Variants in PCLO observed in about 807,000 individuals in gnomAD.
PCLO encodes the protein protein piccolo.
Under a neutral mutation model 427.5 loss-of-function variants are expected in PCLO, and 82 were observed. The ratio of observed to expected loss-of-function variants is 0.19; its 90% CI spans 0.16 to 0.23. The LOEUF (loss-of-function observed/expected upper bound fraction) is 0.23, where lower values mean the gene tolerates loss of function less well. Among genes scored for constraint, PCLO ranks in the 10% least tolerant of loss-of-function variants. PCLO has a pLI of 1.00. For missense variants in PCLO, 6,239 were observed against 6,115.9 expected, an observed-to-expected ratio of 1.02 and a Z score of -0.67; for synonymous variants, 2,357 against 2,155.4, an observed-to-expected ratio of 1.09 and a Z score of -2.59.
At chr7:83,149,727 C>T (rs892822392) in intron 2 of PCLO, among the ~76,000 whole-genome samples, 2 of 152,196 alleles carry the variant, frequency 1.3e-5, no homozygotes, top group Non-Finnish European at 2.9e-5. Context: ...AACAACTTCT[C>T]CCCATTTCTC....
intron 10 of PCLO, among the ~76,000 whole-genome samples, chr7:82,870,139 C>A (rs1170949677): frequency 6.6e-6 from 1 of 151,932 alleles, no homozygotes; most frequent in East Asian, 1.9e-4. Flanking sequence ...ACAAAGCAAT[C>A]TTAAGTGAAA....
At position 82,949,738 on chromosome 7, in the gene PCLO, G is replaced by A; in HGVS notation, c.10850C>T (p.Pro3617Leu). The A allele has an allele frequency of 3.7e-6, 6 of 1,613,796 alleles. No homozygotes were observed. Among genetic ancestry groups the A allele is most frequent in the Non-Finnish European group, 4.2e-6 (5 of 1,179,834 alleles). The change falls in exon 6 of 25, where the codon CCC (proline) becomes CTC (leucine). Residue 3617 changes from proline to leucine, a missense_variant. Pro to Leu is a moderately conservative substitution (Grantham distance 98). Transcript: ENST00000333891. ...TGAGTAAAGGACTTTGGGGGATTTG[G>A]GTGGGGAAGGAGCCAGCTGTACTGT... ...DSTVQLAPSP[P>L]KSPKVLYSPI...
chr7:82,965,613 T>C (rs1795748402), intron 4 of PCLO, among the ~76,000 whole-genome samples, 158 bp downstream of exon 4: 1 of 152,220 alleles, frequency 6.6e-6, no homozygotes, highest in African/African-American at 2.4e-5. Context: ...ACCAAAGTTC[T>C]TCATTATAGT....
chr7:82,969,018 G>T (rs1328041040), intron 3 of PCLO, among the ~76,000 whole-genome samples: 1 of 152,130 alleles, frequency 6.6e-6, no homozygotes, highest in Non-Finnish European at 1.5e-5. Context: ...GTCATTTAAA[G>T]AAGTGAGACT....
intron 3 of PCLO, among the ~76,000 whole-genome samples, chr7:83,004,212 G>C (rs1283897599): frequency 1.3e-5 from 2 of 151,694 alleles, no homozygotes; most frequent in Non-Finnish European, 2.9e-5. Flanking sequence ...AGGCAATCTT[G>C]AGAATCAACA....
rs373497969 is a variant in PCLO, at chr7:82,952,117, T to G, written c.8836A>C (p.Lys2946Gln). The G allele has an allele frequency of 8.1e-6, 13 of 1,613,822 alleles. No homozygotes were observed. The highest frequency in any genetic ancestry group is 1.1e-5 in the Non-Finnish European group (13 of 1,179,862). ...RRAVCCDVVY[K>Q]LPFGRSCTAQ... The stretch of plus-strand genomic sequence containing the variant: ...GTGCAGCTCCTTCCAAATGGTAATT[T>G]ATAAACCACATCACAGCACACAGCT... The change falls in exon 5 of 25, where the codon AAA (lysine) becomes CAA (glutamine). Residue 2946 changes from lysine to glutamine, a missense_variant. By Grantham distance (53) the Lys-to-Gln change is moderately conservative (BLOSUM62 1). Coordinates refer to ENST00000333891, the MANE Select transcript of PCLO (RefSeq NM_033026.6).
At chr7:82,821,568 T>G (rs1791792553) in intron 20 of PCLO, 1 of 974,336 alleles carries the variant, frequency 1.0e-6, no homozygotes, top group East Asian at 1.1e-4. Flanking sequence ...ATTTGTGAAA[T>G]ATTTGCACAT....
At chr7:83,118,726 G>C (rs1398526004) in intron 3 of PCLO, among the ~76,000 whole-genome samples, 1 of 152,140 alleles carries the variant, frequency 6.6e-6, no homozygotes. Context: ...CCCACTACCA[G>C]TGGACTAAAG....
Position 82,954,412 on chromosome 7 carries a change from T to G in PCLO, c.6541A>C (p.Thr2181Pro), listed in dbSNP as rs1795452901. 1.2e-6 allele frequency: 2 copies of G among 1,613,940 alleles called. No homozygotes were observed. Among genetic ancestry groups the G allele is most frequent in the Non-Finnish European group, 1.7e-6 (2 of 1,179,858 alleles). The part of the protein sequence containing the change: ...ESATSVPPSD[T>P]PSLTSSVSSV... ...GAAACAGATGATGTGAGAGAAGGTG[T>G]GTCAGAGGGTGGGACAGATGTAGCA... is the stretch of plus-strand genomic sequence containing the variant. Residue 2181 changes from threonine (T) to proline (P), a missense_variant, in exon 5 of 25, where the codon ACA becomes CCA. Around this residue, in one of 5 missense-constraint regions of PCLO, gnomAD observed 4,677 missense variants for 4,468.4 expected, o/e 1.05. Transcript: ENST00000333891.
chr7:83,006,938 A>G (rs1787959843), intron 3 of PCLO, among the ~76,000 whole-genome samples: 1 of 151,320 alleles, frequency 6.6e-6, no homozygotes, highest in Non-Finnish European at 1.5e-5. Flanking sequence ...CCTTTTCCTT[A>G]CCATTTGCCA....
Position 82,914,764 on chromosome 7 carries a change from C to G in PCLO, c.13222G>C (p.Glu4408Gln). ...CGGTCATAGCCTCGAGTCCGTGATT[C>G]TTCCCTCATGTGTTGCTGAACTTCA... ...LPEVQQHMRE[E>Q]SRTRGYDRDI... Residue 4408 changes from glutamate to glutamine, a missense_variant, in exon 7 of 25, where the codon GAA becomes CAA. This residue lies in a region of PCLO where 877 missense variants were observed against 925.5 expected (regional missense o/e 0.95). Coordinates refer to ENST00000333891, the MANE Select transcript of PCLO (RefSeq NM_033026.6). The G allele has an allele frequency of 5.0e-6, 8 of 1,613,416 alleles. No homozygotes were observed. The highest frequency in any genetic ancestry group is 6.8e-6 in the Non-Finnish European group (8 of 1,179,656).
chr7:83,076,421 C>T (rs1383489719), intron 3 of PCLO, among the ~76,000 whole-genome samples: 1 of 151,906 alleles, frequency 6.6e-6, no homozygotes, highest in Non-Finnish European at 1.5e-5. Context: ...TGCCACCACA[C>T]CCAGCTAATT....
At chr7:83,010,604 T>C (rs1335634701) in intron 3 of PCLO, among the ~76,000 whole-genome samples, 2 of 150,498 alleles carry the variant, frequency 1.3e-5, no homozygotes, top group East Asian at 1.9e-4. Context: ...TAATATAATA[T>C]ATATTTCATA....
chr7:83,071,811 T>C (rs1019257022), intron 3 of PCLO, among the ~76,000 whole-genome samples: 1 of 152,154 alleles, frequency 6.6e-6, no homozygotes, highest in African/African-American at 2.4e-5. Context: ...TATTTGGTCA[T>C]GTTGTTGGAA....
Position 82,908,225 on chromosome 7 carries a change from A to T in PCLO, c.13437+652T>A, listed in dbSNP as rs116024875. ...TATTTCAAAATTCAATTCAAACATC[A>T]CCTCATTTCTCAAAAGTGAGTGAGA... On this transcript the variant is annotated intron_variant, in intron 8 of 24. Transcript: ENST00000333891. Among the ~76,000 whole-genome samples, 783 of 152,038 alleles carry T rather than the reference A, an allele frequency of 5.2e-3. 7 individuals are homozygous for T. Among genetic ancestry groups the T allele is most frequent in the African/African-American group, 0.018 (746 of 41,518 alleles).
At position 82,902,993 on chromosome 7, in the gene PCLO, A is replaced by G. The variant is rs554129600; in HGVS notation, c.13438-252T>C. 8.5e-5 allele frequency among the ~76,000 whole-genome samples: 13 copies of G among 152,152 alleles called. No individual in the cohort carries two copies. In the South Asian group the frequency reaches 1.9e-3, roughly 22 times the overall value. ...ATGACTTGTTGTATTTGAAAAATTA[A>G]TAAGTGCATGCAATAGGTTCTGAAG... On this transcript the variant is annotated intron_variant, in intron 8 of 24. Coordinates refer to ENST00000333891, the MANE Select transcript of PCLO (RefSeq NM_033026.6).
chr7:83,092,904 G>A (rs367831025), intron 3 of PCLO, among the ~76,000 whole-genome samples: 6 of 133,506 alleles, frequency 4.5e-5, no homozygotes, highest in South Asian at 2.3e-4. Flanking sequence ...CCAAGATTGC[G>A]CCACTGCACT....
At chr7:83,149,291 C>T (rs1183476480) in intron 2 of PCLO, among the ~76,000 whole-genome samples, 6 of 152,184 alleles carry the variant, frequency 3.9e-5, no homozygotes. Context: ...GTTAGGGCTT[C>T]TCTGAGGTCT....
chr7:83,060,989 T>G (rs1230590515), intron 3 of PCLO, among the ~76,000 whole-genome samples: 3 of 152,194 alleles, frequency 2.0e-5, no homozygotes, highest in African/African-American at 7.2e-5. Flanking sequence ...CCCAGAAGTC[T>G]TTTCTGCCCC....
Sources: gnomAD v4.1 joint callset for allele counts (sites outside exome capture counted in the v4.1 genomes callset) on GRCh38, gnomAD v4.1.1 for gene constraint, gnomAD v4.1.1 regional missense constraint, MANE v1.5 for transcripts, NCBI Gene and HGNC (gene_info 2026-07-23, HGNC 2026-07-21) for gene names.